The following SP140 variants were observed in gnomAD, a reference collection of about 807,000 sequenced individuals.
SP140 encodes the protein nuclear body protein SP140.
SP140 carries 81 observed loss-of-function variants against 125.0 expected under a neutral mutation model. The observed-to-expected ratio is 0.65, with a 90% CI of 0.54 to 0.78. The LOEUF (loss-of-function observed/expected upper bound fraction) is 0.78, where lower values mean the gene tolerates loss of function less well. Among genes scored for constraint, SP140 ranks in the 30% least tolerant of loss-of-function variants. The probability of loss-of-function intolerance (pLI) is 0.00; values close to 1 mark genes in which losing one functional copy is unlikely to be tolerated. For synonymous variants in SP140, 312 were observed against 354.0 expected, an observed-to-expected ratio of 0.88 and a Z score of 1.33; for missense variants, 858 against 1,037.0, an observed-to-expected ratio of 0.83 and a Z score of 2.37.
chr2:230,282,798 T>C (rs2055789062), intron 15 of SP140, among the ~76,000 whole-genome samples: 1 of 152,168 alleles, frequency 6.6e-6, no homozygotes, highest in South Asian at 2.1e-4. Context: ...AGAAGGGAAG[T>C]GTATACAATT....
intron 14 of SP140, 41 bp downstream of exon 14, chr2:230,269,994 G>A: frequency 7.6e-7 from 1 of 1,320,036 alleles, no homozygotes; most frequent in Non-Finnish European, 1.1e-6. Context: ...GTGGCTCAGT[G>A]GGCCCCACAG....
At chr2:230,263,942 T>C (rs540600587) in intron 12 of SP140, among the ~76,000 whole-genome samples, 2 of 152,288 alleles carry the variant, frequency 1.3e-5, no homozygotes, top group East Asian at 1.9e-4. Flanking sequence ...CTGATGACAA[T>C]GTGCCTAGGC....
chr2:230,230,956 TC>T (rs1341026334), intron 1 of SP140, among the ~76,000 whole-genome samples: 2 of 152,230 alleles, frequency 1.3e-5, no homozygotes, highest in Non-Finnish European at 2.9e-5. Flanking sequence ...CCTTTTTTTT[TC>T]CTCTTTGCAT....
intron 11 of SP140, among the ~76,000 whole-genome samples, chr2:230,253,708 T>C (rs1047897776): frequency 6.6e-6 from 1 of 152,182 alleles, no homozygotes; most frequent in Non-Finnish European, 1.5e-5. Flanking sequence ...TGGGTGATGT[T>C]ATTAAAAACA....
intron 3 of SP140, among the ~76,000 whole-genome samples, chr2:230,241,090 C>G (rs374689877): frequency 3.9e-5 from 6 of 152,126 alleles, no homozygotes; most frequent in African/African-American, 1.4e-4. Flanking sequence ...AGTACAAGTA[C>G]AGACAATACA....
chr2:230,314,572 C>G (rs1462303928), downstream of SP140, among the ~76,000 whole-genome samples: 7 of 152,332 alleles, frequency 4.6e-5, no homozygotes, highest in East Asian at 1.3e-3. Flanking sequence ...CTCCTAGAGA[C>G]TTAGTATAAG....
At chr2:230,244,313 C>A (rs1301997841) in intron 5 of SP140, among the ~76,000 whole-genome samples, 1 of 152,136 alleles carries the variant, frequency 6.6e-6, no homozygotes, top group Non-Finnish European at 1.5e-5. Flanking sequence ...TATTTTATAG[C>A]TAAATAAAGT....
At chr2:230,207,949 G>C (rs1341585585) in intron 1 of SP140, 1 of 959,068 alleles carries the variant, frequency 1.0e-6, no homozygotes, top group South Asian at 1.3e-5. Flanking sequence ...CCCTGCATGA[G>C]CTGTTTCCAG....
At chr2:230,262,420 AT>A (rs551458271) in intron 12 of SP140, among the ~76,000 whole-genome samples, 89 of 151,156 alleles carry the variant, frequency 5.9e-4, no homozygotes, top group African/African-American at 1.9e-3. Flanking sequence ...TATCGTTTGT[AT>A]TTTTTTTATT....
chr2:230,206,595 T>TTATATATATATATATATATATATATATA (rs56817002), intron 1 of SP140, among the ~76,000 whole-genome samples: 2 of 70,528 alleles, frequency 2.8e-5, no homozygotes, highest in Admixed American at 1.8e-4. Flanking sequence ...GGTCCAGATT[T>TTATATATATATATATATATATATATATA]TATATATATA....
intron 22 of SP140, among the ~76,000 whole-genome samples, chr2:230,300,242 A>G (rs890427119): frequency 6.6e-6 from 1 of 152,242 alleles, no homozygotes; most frequent in Non-Finnish European, 1.5e-5. Context: ...TTGCTCCAGG[A>G]AGGAGAAAAC....
At chr2:230,256,367 TTTGTAGGGA>T (rs544486612) in intron 12 of SP140, among the ~76,000 whole-genome samples, 1,701 of 152,148 alleles carry the variant, frequency 0.011, 22 homozygotes, top group African/African-American at 0.03. Flanking sequence ...GTCCATGTCC[TTTGTAGGGA>T]CATGGATGAA....
intron 15 of SP140, among the ~76,000 whole-genome samples, chr2:230,282,475 C>T (rs2055724035): frequency 6.6e-6 from 1 of 152,160 alleles, no homozygotes; most frequent in Non-Finnish European, 1.5e-5. Flanking sequence ...CATGGGTCCA[C>T]ATCCATTCAA....
At chr2:230,223,997 C>T (rs1489030736), upstream of SP140, among the ~76,000 whole-genome samples, 1 of 152,156 alleles carries the variant, frequency 6.6e-6, no homozygotes, top group Non-Finnish European at 1.5e-5. Flanking sequence ...TCTGATGGTC[C>T]TACATATGCC....
At chr2:230,278,498 A>G (rs2055048869) in intron 15 of SP140, among the ~76,000 whole-genome samples, 1 of 152,030 alleles carries the variant, frequency 6.6e-6, no homozygotes, top group African/African-American at 2.4e-5. Flanking sequence ...AAAGCTTTTT[A>G]GAGTGATGTA....
chr2:230,310,849 T>C lies in SP140; in HGVS notation c.2281T>C (p.Leu761=). The C allele has an allele frequency of 7.9e-7, 1 of 1,259,208 alleles. No homozygotes were observed. The highest frequency in any genetic ancestry group is 1.1e-6 in the Non-Finnish European group (1 of 910,582). 78.0% of individuals were successfully genotyped at this position (1,259,208 alleles called of 1,614,324 possible). Residue 761 remains leucine, a splice_region_variant and synonymous_variant, in exon 24 of 27, where the codon TTG becomes CTG. Transcript: ENST00000392045. ...GAGGCAGATGTGTCCTGAGGAACAG[T>C]TGGTAAATCAGATGCAAACCCCAAG... The part of the protein sequence containing the change: ...LERQMCPEEQ[L]KCEFLLLKVY...
intron 22 of SP140, among the ~76,000 whole-genome samples, chr2:230,307,608 T>C (rs77825848): frequency 2.0e-5 from 3 of 152,348 alleles, no homozygotes; most frequent in African/African-American, 4.8e-5. Flanking sequence ...CCAGTGCTCA[T>C]GCCAGCACCT....
upstream of SP140, chr2:230,200,722 A>G: frequency 5.4e-5 from 36 of 661,896 alleles, no homozygotes; most frequent in South Asian, 6.2e-4. Context: ...GTAGTAGTAA[A>G]TATCATGGGA....
At chr2:230,298,995 G>A (rs1474780483) in intron 22 of SP140, among the ~76,000 whole-genome samples, 5 of 152,166 alleles carry the variant, frequency 3.3e-5, no homozygotes, top group Admixed American at 3.3e-4. Context: ...GGAGTCTAAT[G>A]TACAGCCAGG....
Sources: allele counts gnomAD v4.1 joint callset (sites outside exome capture counted in the v4.1 genomes callset), GRCh38; gene constraint gnomAD v4.1.1; transcripts MANE v1.5; gene names NCBI Gene and HGNC (gene_info 2026-07-23, HGNC 2026-07-21).